GAS7: variants seen among roughly 807,000 people sequenced by gnomAD.
GAS7 encodes growth arrest-specific protein 7.
GAS7 carries 28 observed loss-of-function variants against 71.1 expected under a neutral mutation model. The ratio of observed to expected loss-of-function variants is 0.39; its 90% CI spans 0.29 to 0.54. GAS7 has a LOEUF of 0.54. Ranked by LOEUF, GAS7 falls within the 20% of genes least tolerant of loss-of-function variation. The pLI, the probability that GAS7 is intolerant of heterozygous loss-of-function variation, is 0.62. For synonymous variants in GAS7, 258 were observed against 245.8 expected, an observed-to-expected ratio of 1.05 and a Z score of -0.46; for missense variants, 436 against 627.8, an observed-to-expected ratio of 0.69 and a Z score of 3.27.
intron 3 of GAS7, among the ~76,000 whole-genome samples, chr17:9,979,251 CA>C (rs1160609220): frequency 6.6e-6 from 1 of 151,964 alleles, no homozygotes; most frequent in Non-Finnish European, 1.5e-5. Context: ...TCTGGGATCC[CA>C]AGGATTCCAC....
At chr17:10,001,631 C>G (rs1312299915) in intron 2 of GAS7, among the ~76,000 whole-genome samples, 1 of 152,102 alleles carries the variant, frequency 6.6e-6, no homozygotes, top group Non-Finnish European at 1.5e-5. Flanking sequence ...GGGGGAATTG[C>G]AATTTCAGGA....
intron 1 of GAS7, among the ~76,000 whole-genome samples, chr17:10,111,598 C>T (rs1360904726): frequency 1.3e-5 from 2 of 151,708 alleles, no homozygotes; most frequent in Non-Finnish European, 2.9e-5. Flanking sequence ...GCAGGAGAAT[C>T]GCTTGAACCC....
chr17:9,954,517 T>C (rs1166837240), intron 5 of GAS7, among the ~76,000 whole-genome samples: 1 of 151,864 alleles, frequency 6.6e-6, no homozygotes, highest in Non-Finnish European at 1.5e-5. Context: ...GGGAGCAGCA[T>C]AGTCAAGAGG....
chr17:9,925,712 G>C, intron 10 of GAS7, 113 bp from the exon 11 acceptor site: 1 of 1,164,734 alleles, frequency 8.6e-7, no homozygotes, highest in Non-Finnish European at 1.2e-6. Flanking sequence ...TTGTGTGGAT[G>C]ATGCCACAGT....
chr17:9,942,522 C>A (rs55740538), intron 7 of GAS7, among the ~76,000 whole-genome samples: 6 of 152,146 alleles, frequency 3.9e-5, no homozygotes, highest in Admixed American at 3.9e-4. Flanking sequence ...ATCTGTGTTC[C>A]CAAGCTCTTT....
chr17:10,030,656 G>C (rs1331538838), intron 1 of GAS7, among the ~76,000 whole-genome samples: 2 of 152,218 alleles, frequency 1.3e-5, no homozygotes, highest in African/African-American at 2.4e-5. Context: ...GAGCAGGGCT[G>C]CCTCCTTGAG....
chr17:10,143,371 T>C (rs1264647757), intron 1 of GAS7, among the ~76,000 whole-genome samples: 1 of 151,970 alleles, frequency 6.6e-6, no homozygotes, highest in Non-Finnish European at 1.5e-5. Flanking sequence ...TGAAACCCCA[T>C]CTCTACTAAA....
At chr17:10,144,034 C>G (rs867301211) in intron 1 of GAS7, among the ~76,000 whole-genome samples, 2 of 152,346 alleles carry the variant, frequency 1.3e-5, no homozygotes, top group South Asian at 4.1e-4. Context: ...CAGAGCTCTG[C>G]CAGGCAGTGG....
chr17:10,006,681 TA>T (rs1482266525), intron 2 of GAS7, among the ~76,000 whole-genome samples: 1 of 135,770 alleles, frequency 7.4e-6, no homozygotes, highest in Non-Finnish European at 1.5e-5. Flanking sequence ...AGTGCATGCG[TA>T]TTTTTTTTTA....
At chr17:9,952,541 G>A (rs1469357632) in intron 5 of GAS7, among the ~76,000 whole-genome samples, 1 of 152,104 alleles carries the variant, frequency 6.6e-6, no homozygotes, top group African/African-American at 2.4e-5. Flanking sequence ...ACAGGTGCCT[G>A]CCACCATGCC....
intron 1 of GAS7, chr17:10,059,827 C>CGCGT: frequency 2.0e-6 from 2 of 984,574 alleles, no homozygotes. Flanking sequence ...AAGTTGCAGC[C>CGCGT]ACGCAGGTTA....
intron 1 of GAS7, among the ~76,000 whole-genome samples, chr17:10,088,672 C>T (rs776478513): frequency 4.6e-5 from 7 of 152,084 alleles, no homozygotes; most frequent in South Asian, 2.1e-4. Flanking sequence ...TTATACAGGG[C>T]GAGCTGCCAT....
intron 11 of GAS7, among the ~76,000 whole-genome samples, chr17:9,924,339 A>AT (rs1184552132): frequency 2.0e-5 from 3 of 151,876 alleles, no homozygotes; most frequent in Non-Finnish European, 4.4e-5. Context: ...TGCCTAGCTA[A>AT]TTTTTTCAAA....
intron 1 of GAS7, among the ~76,000 whole-genome samples, chr17:10,141,085 G>A (rs183751316): frequency 2.0e-5 from 3 of 152,320 alleles, no homozygotes; most frequent in Admixed American, 1.3e-4. Context: ...CCAGGGCCCT[G>A]GCCCTGACTC....
At chr17:9,975,809 C>A (rs138965465) in intron 3 of GAS7, among the ~76,000 whole-genome samples, 9 of 152,330 alleles carry the variant, frequency 5.9e-5, no homozygotes, top group African/African-American at 2.2e-4. Flanking sequence ...CATGCAGCAT[C>A]CTTCCGCGCA....
rs898945811 is a variant in GAS7, at chr17:10,034,398, T to C, written c.184-14501A>G. 1.3e-5 allele frequency among the ~76,000 whole-genome samples: 2 copies of C among 151,656 alleles called. No homozygotes were observed. The highest frequency in any genetic ancestry group is 2.9e-5 in the Non-Finnish European group (2 of 67,938). ...ATCTCGGCTCACTGCAACCTAAGCC[T>C]TCCAGGTTCAAGCGATTCTCCTCCC... On this transcript the variant is annotated intron_variant, in intron 1 of 13. Transcript: ENST00000432992. This position sits in a 1 kb window ranked among gnomAD's most constrained non-coding sequence, Gnocchi z 4.4.
chr17:10,055,834 C>T (rs1167010532), intron 1 of GAS7, among the ~76,000 whole-genome samples: 1 of 152,196 alleles, frequency 6.6e-6, no homozygotes, highest in African/African-American at 2.4e-5. Flanking sequence ...TGATTGCTTG[C>T]ATTGTGTGAC....
intron 1 of GAS7, among the ~76,000 whole-genome samples, chr17:10,161,563 G>A (rs1416145639): frequency 6.6e-6 from 1 of 152,210 alleles, no homozygotes. Flanking sequence ...GAAGGTCGCA[G>A]ACTTTGAACT....
chr17:9,929,330 A>G (rs1198341142), intron 9 of GAS7, among the ~76,000 whole-genome samples: 3 of 152,216 alleles, frequency 2.0e-5, no homozygotes, highest in Non-Finnish European at 4.4e-5. Flanking sequence ...GGAAAAGCCC[A>G]TGAACCTGCC....
Sources: allele counts gnomAD v4.1 joint callset (sites outside exome capture counted in the v4.1 genomes callset), GRCh38; gene constraint gnomAD v4.1.1; non-coding constraint Gnocchi (gnomAD v3.1); transcripts MANE v1.5; gene names NCBI Gene and HGNC (gene_info 2026-07-23, HGNC 2026-07-21).